The following POLR2F variants were observed in gnomAD, a reference collection of about 807,000 sequenced individuals.
POLR2F encodes DNA-directed RNA polymerases I, II, and III subunit RPABC2.
In POLR2F, 12 loss-of-function variants were observed where a neutral mutation model predicts 22.7. The observed-to-expected ratio is 0.53, with a 90% CI of 0.34 to 0.86. POLR2F has a LOEUF of 0.86. Among genes scored for constraint, POLR2F ranks in the 40% least tolerant of loss-of-function variants. The pLI is 0.02. For synonymous variants in POLR2F, 57 were observed against 66.0 expected (o/e 0.86, Z 0.66); for missense variants, 126 against 171.5 (o/e 0.73, Z 1.48).
intron 4 of POLR2F, among the ~76,000 whole-genome samples, chr22:37,975,390 G>A (rs1046426682): frequency 9.2e-5 from 14 of 152,154 alleles, no homozygotes; most frequent in African/African-American, 3.1e-4. Flanking sequence ...TGTCTGAGTG[G>A]GGTGGGGCCT....
chr22:38,041,457 T>A, downstream of POLR2F: 1 of 309,268 alleles, frequency 3.2e-6, no homozygotes, highest in Non-Finnish European at 6.1e-6. Flanking sequence ...GTGGAAGGCT[T>A]GTGGGCGGTG....
At chr22:37,967,510 C>CAAG in intron 4 of POLR2F, 115 bp from the exon 5 acceptor site, 2 of 1,510,648 alleles carry the variant, frequency 1.3e-6, no homozygotes, top group Non-Finnish European at 1.8e-6. Flanking sequence ...TCATCAGCCC[C>CAAG]AAGAGGCTGC....
At position 37,969,230 on chromosome 22, in the gene POLR2F, TCTC is replaced by T. The variant is rs1931973676; in HGVS notation, c.*1519_*1521del. 1 of 985,322 alleles carries T rather than the reference TCTC, an allele frequency of 1.0e-6. No homozygotes were observed. Among genetic ancestry groups the T allele is most frequent in the Non-Finnish European group, 1.2e-6 (1 of 829,862 alleles). The allele number at this position is 985,322 out of a possible 1,614,324, so 61.0% of individuals were successfully genotyped here. ...TTTCCTCCTGTCTTCCTCTTCCCAT[TCTC>T]CTCTTTTGGGGAGTCCCCTGCTATT... On this transcript the variant is annotated 3_prime_UTR_variant, in exon 5 of 5. Coordinates refer to ENST00000442738, the MANE Select transcript of POLR2F (RefSeq NM_021974.5).
At chr22:38,014,246 T>A (rs1244840153) in intron 1 of POLR2F, among the ~76,000 whole-genome samples, 3 of 152,086 alleles carry the variant, frequency 2.0e-5, no homozygotes, top group African/African-American at 7.2e-5. Flanking sequence ...TCTATATAGA[T>A]GATTATGTTG....
Position 37,968,585 on chromosome 22 carries a change from C to T in POLR2F, c.*870C>T, listed in dbSNP as rs1931949179. On this transcript the variant is annotated 3_prime_UTR_variant, in exon 5 of 5. Coordinates refer to ENST00000442738, the MANE Select transcript of POLR2F (RefSeq NM_021974.5). ...CCTGAGGTTCTAATGGGTCCTCTTCCTTTCTCCACCCTGCTTACCCAACCT... is the reference window on the plus strand; with the variant it reads ...CCTGAGGTTCTAATGGGTCCTCTTCTTTTCTCCACCCTGCTTACCCAACCT... 1 of 985,650 alleles carries T rather than the reference C, an allele frequency of 1.0e-6. No individual in the cohort carries two copies. The highest frequency in any genetic ancestry group is 1.2e-6 in the Non-Finnish European group (1 of 830,096). 61.1% of individuals were successfully genotyped at this position (985,650 alleles called of 1,614,324 possible).
intron 2 of POLR2F, chr22:38,026,152 G>A (rs2085007905): frequency 1.9e-6 from 1 of 533,288 alleles, no homozygotes; most frequent in Non-Finnish European, 3.8e-6. Flanking sequence ...TGCCTGGTAG[G>A]CGGGCACCAG....
At chr22:37,983,634 G>A, upstream of POLR2F, 1 of 1,602,038 alleles carries the variant, frequency 6.2e-7, no homozygotes. The surrounding 1 kb of genome is among the most constrained non-coding windows in gnomAD (Gnocchi z 9.5). Flanking sequence ...ACCTTGCCCA[G>A]CTCGCCTGGC....
chr22:37,974,223 G>A, downstream of POLR2F: 1 of 1,571,132 alleles, frequency 6.4e-7, no homozygotes, highest in East Asian at 2.2e-5. This position sits in a 1 kb window ranked among gnomAD's most constrained non-coding sequence, Gnocchi z 5.4. Context: ...GACAGAGAGA[G>A]AGAGCGCAAG....
At chr22:38,029,312 A>T (rs2085044302), downstream of POLR2F, among the ~76,000 whole-genome samples, 1 of 152,216 alleles carries the variant, frequency 6.6e-6, no homozygotes, top group African/African-American at 2.4e-5. Context: ...GTGGAGGATG[A>T]CTTGGCTGAC....
Position 38,008,352 on chromosome 22 carries a change from C to T in POLR2F, c.121-17517C>T, listed in dbSNP as rs533573615. 5.3e-5 allele frequency among the ~76,000 whole-genome samples: 8 copies of T among 151,774 alleles called. No individual in the cohort carries two copies. The South Asian group carries it at 1.7e-3, about 32-fold the overall frequency. ...ATCATCTGAGGTCAAGAGTTCAAGA[C>T]CAGGCTGGTCAACATGGTAAGACCC... On this transcript the variant is annotated intron_variant, in intron 1 of 2. Coordinates refer to the POLR2F transcript ENST00000333418.
intron 1 of POLR2F, among the ~76,000 whole-genome samples, 195 bp from the exon 2 acceptor site, chr22:37,956,578 G>A (rs938771816): frequency 2.0e-5 from 3 of 151,850 alleles, no homozygotes; most frequent in East Asian, 1.9e-4. Flanking sequence ...CACCATGCCC[G>A]GCTAATTTTT....
rs1932369401 is a variant in POLR2F, at chr22:37,980,635, C to G, written c.293+13465C>G. ...CCAATCTCCAGCACCAGTCCCCACT[C>G]AACATTACCAGCCCCAAACCCCCAA... On this transcript the variant is annotated intron_variant, in intron 4 of 4. Transcript: ENST00000405557. This position sits in a 1 kb window ranked among gnomAD's most constrained non-coding sequence, Gnocchi z 4.1. Among the ~76,000 whole-genome samples, 1 of 152,184 alleles carries G rather than the reference C, an allele frequency of 6.6e-6. No homozygotes were observed. Among genetic ancestry groups the G allele is most frequent in the Non-Finnish European group, 1.5e-5 (1 of 68,030 alleles).
At chr22:37,955,828 G>A (rs1234703920) in intron 1 of POLR2F, among the ~76,000 whole-genome samples, 3 of 150,302 alleles carry the variant, frequency 2.0e-5, no homozygotes, top group Non-Finnish European at 4.4e-5. Flanking sequence ...GATTACAGGC[G>A]CCCACCACCA....
At chr22:37,972,219 T>A (rs1355976631), downstream of POLR2F, 5 of 1,296,876 alleles carry the variant, frequency 3.9e-6, no homozygotes, top group South Asian at 5.0e-5. Flanking sequence ...TCCTTTGCAT[T>A]CTACTCCTAG....
At chr22:37,995,145 G>T (rs1467638640) in intron 1 of POLR2F, among the ~76,000 whole-genome samples, 1 of 152,222 alleles carries the variant, frequency 6.6e-6, no homozygotes, top group Admixed American at 6.5e-5. Flanking sequence ...CTCCATCAGT[G>T]CATTGAGGGA....
Position 37,967,847 on chromosome 22 carries a change from C to T in POLR2F, c.*132C>T, listed in dbSNP as rs575140708. The stretch of plus-strand genomic sequence containing the variant: ...CTGCAATGTCACCACCTGTTGCTTC[C>T]CCGTTACCGCCATGCTGCGTGGAGC... On this transcript the variant is annotated 3_prime_UTR_variant, in exon 5 of 5. Coordinates refer to ENST00000442738, the MANE Select transcript of POLR2F (RefSeq NM_021974.5). 2.1e-5 allele frequency: 30 copies of T among 1,430,050 alleles called. No individual in the cohort carries two copies. The East Asian group carries it at 7.3e-4, about 35-fold the overall frequency. 88.6% of individuals were successfully genotyped at this position (1,430,050 alleles called of 1,614,324 possible).
chr22:37,977,725 C>G, intron 4 of POLR2F: 2 of 916,122 alleles, frequency 2.2e-6, no homozygotes, highest in Non-Finnish European at 3.3e-6. Context: ...ATGGAGCTCC[C>G]TCTGGGCCCC....
intron 1 of POLR2F, chr22:37,987,312 TG>T (rs1932611333): frequency 8.8e-6 from 4 of 456,532 alleles, no homozygotes; most frequent in Admixed American, 2.4e-5. Context: ...ACTCAGAAGA[TG>T]GGCCCCAGAG....
intron 1 of POLR2F, among the ~76,000 whole-genome samples, chr22:37,998,079 C>T (rs1248194330): frequency 6.6e-6 from 1 of 152,168 alleles, no homozygotes; most frequent in Admixed American, 6.5e-5. Flanking sequence ...GGGGTATGTT[C>T]TTCCCCTCCC....
Sources: gnomAD v4.1 joint callset for allele counts (sites outside exome capture counted in the v4.1 genomes callset) on GRCh38, gnomAD v4.1.1 for gene constraint, Gnocchi (gnomAD v3.1) non-coding constraint, MANE v1.5 for transcripts, NCBI Gene and HGNC (gene_info 2026-07-23, HGNC 2026-07-21) for gene names.